Variants in TMEM260 observed in about 807,000 individuals in gnomAD.
TMEM260 encodes transmembrane protein 260.
Under a neutral mutation model 88.9 loss-of-function variants are expected in TMEM260, and 82 were observed. The ratio of observed to expected loss-of-function variants is 0.92; its 90% CI spans 0.77 to 1.11. The LOEUF is 1.11. Among genes scored for constraint, TMEM260 ranks in the 50% least tolerant of loss-of-function variants. TMEM260 has a pLI of 0.00. For synonymous variants in TMEM260, 314 were observed against 309.3 expected, an observed-to-expected ratio of 1.02 and a Z score of -0.16; for missense variants, 902 against 853.4, an observed-to-expected ratio of 1.06 and a Z score of -0.71.
intron 3 of TMEM260, chr14:56,592,981 A>G (rs1256764178): frequency 6.6e-6 from 1 of 152,250 alleles, no homozygotes; most frequent in Non-Finnish European, 1.5e-5. Flanking sequence ...CCTTTTGATT[A>G]AGGGTTAGAC....
chr14:56,600,124 T>G (rs1294331004), intron 3 of TMEM260, among the ~76,000 whole-genome samples: 1 of 152,146 alleles, frequency 6.6e-6, no homozygotes, highest in Non-Finnish European at 1.5e-5. Context: ...AAAATCCTAT[T>G]GAAATCAAAG....
chr14:56,624,013 G>A (rs996534797), intron 11 of TMEM260, among the ~76,000 whole-genome samples: 4 of 152,050 alleles, frequency 2.6e-5, no homozygotes, highest in Admixed American at 6.5e-5. Context: ...TCTAATATAA[G>A]TAAATTATTT....
rs111343431 is a variant in TMEM260 at position 56,625,413 on chromosome 14, T to C, written c.1430T>C (p.Met477Thr). The C allele has an allele frequency of 6.2e-6, 10 of 1,613,900 alleles. No individual in the cohort carries two copies. The highest frequency in any genetic ancestry group is 1.1e-5 in the South Asian group (1 of 91,006). Residue 477 changes from methionine (M) to threonine (T), a missense_variant, in exon 12 of 16, where the codon ATG becomes ACG. Coordinates refer to ENST00000261556, the MANE Select transcript of TMEM260 (RefSeq NM_017799.4). Reference sequence around the variant, plus strand: ...ACTTACGAGTGGTATTTACCCAAGATGGCAAAGCACTTGCCAGGTGTCAAC... The same window carrying C: ...ACTTACGAGTGGTATTTACCCAAGACGGCAAAGCACTTGCCAGGTGTCAAC... ...MMTYEWYLPK[M>T]AKHLPGVNFP...
chr14:56,661,956 A>G, the TMEM260 span, among the ~76,000 whole-genome samples: 1 of 152,206 alleles, frequency 6.6e-6, no homozygotes, highest in Non-Finnish European at 1.5e-5. Context: ...CAGAAGAATT[A>G]GACCTTCGGG....
At chr14:56,589,236 T>C (rs1025709301) in intron 3 of TMEM260, among the ~76,000 whole-genome samples, 11 of 152,118 alleles carry the variant, frequency 7.2e-5, no homozygotes, top group African/African-American at 2.7e-4. Context: ...GCTTATGATA[T>C]CAGAGGAGGG....
In TMEM260 at chr14:56,633,234, T is replaced by G. The variant is rs28477527; in HGVS notation, c.1724+63T>G. 5,414 of 1,378,866 alleles carry G rather than the reference T, an allele frequency of 3.9e-3. 188 individuals are homozygous for G. In the African/African-American group the frequency reaches 0.07, roughly 18 times the overall value. The allele number at this position is 1,378,866 out of a possible 1,614,324, so 85.4% of individuals were successfully genotyped here. Reference sequence around the variant, plus strand: ...AGCAGTTTTGAATACCCAAAAAAACTACTACATTTTGAGATGCCTTCTAAT... The same window carrying G: ...AGCAGTTTTGAATACCCAAAAAAACGACTACATTTTGAGATGCCTTCTAAT... On this transcript the variant is annotated intron_variant, in intron 13 of 15. Coordinates refer to ENST00000261556, the MANE Select transcript of TMEM260 (RefSeq NM_017799.4).
intron 3 of TMEM260, among the ~76,000 whole-genome samples, chr14:56,600,890 C>G (rs1886532745): frequency 6.6e-6 from 1 of 152,100 alleles, no homozygotes; most frequent in Non-Finnish European, 1.5e-5. Flanking sequence ...AATCAGTTAC[C>G]TTGTCTTCTA....
chr14:56,625,530 A>C lies in TMEM260; in HGVS notation c.1547A>C (p.Gln516Pro), dbSNP rs776651058. 1 of 1,583,390 alleles carries C rather than the reference A, an allele frequency of 6.3e-7. No homozygotes were observed. The highest frequency in any genetic ancestry group is 2.2e-5 in the East Asian group (1 of 44,608). Residue 516 changes from glutamine (Q) to proline (P), a missense_variant and splice_region_variant, in exon 12 of 16, where the codon CAA (glutamine) becomes CCA (proline). Gln to Pro is a moderately conservative substitution (Grantham distance 76). Coordinates refer to ENST00000261556, the MANE Select transcript of TMEM260 (RefSeq NM_017799.4). The stretch of plus-strand genomic sequence containing the variant: ...TATCATTTTCTTGAAGTAAATAAAC[A>C]GTAAGCATTCTTTTTATATAATAGC... ...NLYHFLEVNK[Q>P]KETFVCIGIH...
the TMEM260 span, among the ~76,000 whole-genome samples, chr14:56,660,315 A>G: frequency 6.6e-6 from 1 of 152,242 alleles, no homozygotes; most frequent in African/African-American, 2.4e-5. Flanking sequence ...GTCTGTCAAT[A>G]CGTGGGAGAC....
At chr14:56,616,451 A>G (rs1887599771) in intron 8 of TMEM260, among the ~76,000 whole-genome samples, 1 of 152,088 alleles carries the variant, frequency 6.6e-6, no homozygotes, top group Admixed American at 6.5e-5. Context: ...ATGCATTTGT[A>G]TGTAAATGTA....
At chr14:56,599,005 A>G (rs1886408393) in intron 3 of TMEM260, among the ~76,000 whole-genome samples, 1 of 152,146 alleles carries the variant, frequency 6.6e-6, no homozygotes, top group Non-Finnish European at 1.5e-5. Flanking sequence ...TCCATCCACT[A>G]ACAATTTGAT....
At chr14:56,594,112 G>T (rs1187852277) in intron 3 of TMEM260, among the ~76,000 whole-genome samples, 1 of 152,174 alleles carries the variant, frequency 6.6e-6, no homozygotes, top group African/African-American at 2.4e-5. Flanking sequence ...CAGATTAGAT[G>T]ATTAAAATAT....
chr14:56,603,826 C>T lies in TMEM260; in HGVS notation c.356C>T (p.Ser119Leu), dbSNP rs535816484. The change falls in exon 4 of 16, where the codon TCA (serine) becomes TTA (leucine). Residue 119 changes from serine (S) to leucine (L), a missense_variant. Transcript: ENST00000261556. ...LFFTVFRLSG[S>L]SAGGILAAGV... is the part of the protein sequence containing the mutation. ...ATCTGTGTTTGCAGGCTTTCTGGCT[C>T]ATCTGCTGGAGGAATCCTTGCTGCG... 1 of 1,613,776 alleles carries T rather than the reference C, an allele frequency of 6.2e-7. No individual in the cohort carries two copies. Among genetic ancestry groups the T allele is most frequent in the East Asian group, 2.2e-5 (1 of 44,860 alleles).
At chr14:56,630,432 C>CT (rs898575520) in intron 12 of TMEM260, among the ~76,000 whole-genome samples, 1 of 151,182 alleles carries the variant, frequency 6.6e-6, no homozygotes, top group Non-Finnish European at 1.5e-5. Context: ...GAACTCTTTG[C>CT]TTTTTTTTCA....
At chr14:56,621,395 A>G (rs1224657340) in intron 10 of TMEM260, 136 bp from the exon 11 acceptor site, 3 of 602,626 alleles carry the variant, frequency 5.0e-6, no homozygotes, top group Admixed American at 3.6e-5. Flanking sequence ...TCAAATATAC[A>G]TATTATTTTA....
At chr14:56,649,978 TC>T (rs1890170394), downstream of TMEM260, 1 of 368,648 alleles carries the variant, frequency 2.7e-6, no homozygotes, top group Non-Finnish European at 5.3e-6. Context: ...TGGGCTTCAT[TC>T]CCAGATGAAC....
At position 56,603,972 on chromosome 14, in the gene TMEM260, A is replaced by C; in HGVS notation, c.502A>C (p.Thr168Pro). ...ALTVHFEEAATAKERSKVAKI... is the reference protein window; with the variant it reads ...ALTVHFEEAAPAKERSKVAKI... ...TACTGTACATTTTGAGGAAGCAGCA[A>C]CTGCTAAGGAGAGATCAAAGGTAAC... Residue 168 changes from threonine to proline, a missense_variant, in exon 4 of 16, where the codon ACT (threonine) becomes CCT (proline). Thr to Pro is a conservative substitution (Grantham distance 38). Transcript: ENST00000261556. The C allele has an allele frequency of 1.9e-6, 3 of 1,591,552 alleles. No homozygotes were observed. Among genetic ancestry groups the C allele is most frequent in the Non-Finnish European group, 2.6e-6 (3 of 1,172,340 alleles).
rs1890056942 is a variant in TMEM260 at position 56,647,743 on chromosome 14, T to G, written c.*246T>G. The G allele has an allele frequency of 2.2e-6, 1 of 464,324 alleles. No homozygotes were observed. Among genetic ancestry groups the G allele is most frequent in the South Asian group, 2.8e-5 (1 of 35,920 alleles). 28.8% of individuals were successfully genotyped at this position (464,324 alleles called of 1,614,324 possible). A position where few individuals can be genotyped will look rare whatever the true frequency, so the allele number is the denominator to read the frequency against. ...TCAGTGAGAAGCTTTTGAAAAGTCT[T>G]CTGACTTCCAGTCTTTCACCAGATG... On this transcript the variant is annotated 3_prime_UTR_variant, in exon 16 of 16. Transcript: ENST00000261556.
At chr14:56,584,757 A>G (rs1409825671) in intron 1 of TMEM260, among the ~76,000 whole-genome samples, 2 of 152,176 alleles carry the variant, frequency 1.3e-5, no homozygotes, top group African/African-American at 4.8e-5. Context: ...AGCATTTTTT[A>G]AAGACCAGAA....
Sources: gnomAD v4.1 joint callset for allele counts (sites outside exome capture counted in the v4.1 genomes callset) on GRCh38, gnomAD v4.1.1 for gene constraint, MANE v1.5 for transcripts, NCBI Gene and HGNC (gene_info 2026-07-23, HGNC 2026-07-21) for gene names.